Variants in ADK observed in about 807,000 individuals in gnomAD.
ADK encodes N6,N6-dimethyladenosine kinase.
In ADK, 24 loss-of-function variants were observed where a neutral mutation model predicts 44.7. That is an observed-to-expected ratio of 0.54 (90% CI 0.39 to 0.76). The LOEUF is 0.76. Ranked by LOEUF, ADK falls within the 30% of genes least tolerant of loss-of-function variation. The pLI is 0.00. For missense variants in ADK, 321 were observed against 425.1 expected (o/e 0.76, Z 2.15); for synonymous variants, 128 against 142.6 (o/e 0.90, Z 0.73).
At chr10:74,161,187 C>T (rs1841887414) in intron 1 of ADK, among the ~76,000 whole-genome samples, 1 of 152,150 alleles carries the variant, frequency 6.6e-6, no homozygotes, top group Admixed American at 6.6e-5. Context: ...CTCTGAATTT[C>T]TGTTGAATCA....
intron 4 of ADK, among the ~76,000 whole-genome samples, chr10:74,385,293 T>C (rs1388933103): frequency 6.6e-6 from 1 of 152,144 alleles, no homozygotes; most frequent in Non-Finnish European, 1.5e-5. Flanking sequence ...GTCAATTTAA[T>C]AGGCAAAATA....
intron 6 of ADK, among the ~76,000 whole-genome samples, chr10:74,409,307 A>C (rs1287135518): frequency 6.6e-6 from 1 of 152,214 alleles, no homozygotes; most frequent in Non-Finnish European, 1.5e-5. Flanking sequence ...TATTATGGGG[A>C]AATTTTTAAA....
intron 4 of ADK, chr10:74,344,838 T>G (rs1841706937): frequency 5.8e-6 from 1 of 173,008 alleles, no homozygotes; most frequent in South Asian, 1.3e-4. Flanking sequence ...TCATCTTCTC[T>G]GATGCATGAG....
chr10:74,437,143 A>ATTATAAGTGAAAAACAATGT (rs1217586804), intron 6 of ADK, among the ~76,000 whole-genome samples: 14 of 152,176 alleles, frequency 9.2e-5, no homozygotes, highest in African/African-American at 2.9e-4. Context: ...TAGAAGCAAT[A>ATTATAAGTGAAAAACAATGT]TTATAAGTGA....
At chr10:74,186,443 C>T (rs571485449) in intron 1 of ADK, among the ~76,000 whole-genome samples, 1 of 149,578 alleles carries the variant, frequency 6.7e-6, no homozygotes, top group African/African-American at 2.4e-5. Context: ...CCACGCCTGG[C>T]TATTTTTTTT....
At chr10:74,514,196 T>G (rs1426287912) in intron 6 of ADK, among the ~76,000 whole-genome samples, 1 of 152,228 alleles carries the variant, frequency 6.6e-6, no homozygotes. Context: ...GGGGATTCCC[T>G]TATATGACTT....
intron 3 of ADK, among the ~76,000 whole-genome samples, chr10:74,232,548 A>ACC (rs771970272): frequency 2.6e-4 from 17 of 64,442 alleles, no homozygotes; most frequent in Non-Finnish European, 3.4e-4. Flanking sequence ...ACCCCCCCGC[A>ACC]CCCCCCCCCC....
At chr10:74,431,533 G>A (rs563788474) in intron 6 of ADK, among the ~76,000 whole-genome samples, 21 of 152,206 alleles carry the variant, frequency 1.4e-4, no homozygotes, top group Non-Finnish European at 2.8e-4. Flanking sequence ...TTGAGGTCAG[G>A]AGTTTGAGAC....
In ADK at chr10:74,540,965, G is replaced by T. The variant is rs372596290; in HGVS notation, c.726+15539G>T. On this transcript the variant is annotated intron_variant, in intron 7 of 10. Transcript: ENST00000539909. ...GAAATAATTAGCAAAATTTAAATAGGTGCCATTGATTAGTCAATGGTATTT... is the reference window on the plus strand; with the variant it reads ...GAAATAATTAGCAAAATTTAAATAGTTGCCATTGATTAGTCAATGGTATTT... 2.3e-4 allele frequency among the ~76,000 whole-genome samples: 35 copies of T among 151,976 alleles called. 1 individual carries two copies. The highest frequency in any genetic ancestry group is 6.8e-3 in the Middle Eastern group (2 of 294).
At chr10:74,623,356 T>C (rs1279217658) in intron 9 of ADK, among the ~76,000 whole-genome samples, 2 of 152,190 alleles carry the variant, frequency 1.3e-5, no homozygotes, top group Non-Finnish European at 2.9e-5. Flanking sequence ...CACTGGCTGA[T>C]TCCTCTTTAC....
intron 1 of ADK, among the ~76,000 whole-genome samples, chr10:74,173,427 C>A (rs1466776589): frequency 1.5e-5 from 2 of 137,554 alleles, no homozygotes; most frequent in Admixed American, 1.5e-4. Context: ...TTTTCTTTTT[C>A]TTTCTTTTTT....
intron 4 of ADK, chr10:74,372,267 G>A (rs950063851): frequency 9.2e-6 from 7 of 762,728 alleles, no homozygotes; most frequent in Non-Finnish European, 1.7e-5. Context: ...TGAGGTTGCA[G>A]ACTGGTCTGA....
intron 6 of ADK, among the ~76,000 whole-genome samples, chr10:74,494,489 C>G (rs931054271): frequency 1.3e-5 from 2 of 151,974 alleles, no homozygotes; most frequent in African/African-American, 4.8e-5. Flanking sequence ...TTAGAATTCC[C>G]TTATCTTTTT....
chr10:74,655,061 C>A, intron 9 of ADK: 1 of 231,640 alleles, frequency 4.3e-6, no homozygotes, highest in Non-Finnish European at 8.5e-6. Context: ...ACCCCTTCAC[C>A]CCGGGCCGCC....
At chr10:74,449,697 G>A (rs995832476) in intron 6 of ADK, among the ~76,000 whole-genome samples, 2 of 152,140 alleles carry the variant, frequency 1.3e-5, no homozygotes, top group African/African-American at 4.8e-5. Flanking sequence ...AGTATTGTTA[G>A]AAGAAGTGGA....
chr10:74,544,082 C>T (rs1849742228), intron 7 of ADK, among the ~76,000 whole-genome samples: 1 of 152,140 alleles, frequency 6.6e-6, no homozygotes. Flanking sequence ...TCTTTCCCTC[C>T]CTTCTCCACT....
At chr10:74,201,510 A>G (rs1434143601) in intron 2 of ADK, among the ~76,000 whole-genome samples, 2 of 152,120 alleles carry the variant, frequency 1.3e-5, no homozygotes, top group African/African-American at 4.8e-5. Flanking sequence ...GTATATTTTA[A>G]TAGTTGTTCT....
intron 10 of ADK, among the ~76,000 whole-genome samples, chr10:74,675,549 C>T (rs1356985752): frequency 6.6e-6 from 1 of 152,164 alleles, no homozygotes; most frequent in Non-Finnish European, 1.5e-5. Flanking sequence ...TAGGATTGTA[C>T]TCTTGGAAAT....
At chr10:74,463,875 T>C (rs1178649413) in intron 6 of ADK, among the ~76,000 whole-genome samples, 1 of 152,050 alleles carries the variant, frequency 6.6e-6, no homozygotes, top group African/African-American at 2.4e-5. Context: ...ATTAATAAGG[T>C]GCAAGGAAAT....
Sources: gnomAD v4.1 joint callset for allele counts (sites outside exome capture counted in the v4.1 genomes callset) on GRCh38, gnomAD v4.1.1 for gene constraint, MANE v1.5 for transcripts, NCBI Gene and HGNC (gene_info 2026-07-23, HGNC 2026-07-21) for gene names.